Variants in PSG9 observed in about 807,000 individuals in gnomAD.
PSG9 encodes the protein pregnancy-specific beta-1-glycoprotein 9.
In PSG9, 49 loss-of-function variants were observed where a neutral mutation model predicts 41.9. The observed-to-expected ratio is 1.17, with a 90% CI of 0.93 to 1.48. The LOEUF (loss-of-function observed/expected upper bound fraction) is 1.48, where lower values mean the gene tolerates loss of function less well. Among genes scored for constraint, PSG9 ranks in the 40% most tolerant of loss-of-function variants. The pLI is 0.00. For missense variants in PSG9, 641 were observed against 520.3 expected, an observed-to-expected ratio of 1.23 and a Z score of -2.26; for synonymous variants, 263 against 196.8, an observed-to-expected ratio of 1.34 and a Z score of -2.82.
In PSG9 at chr19:43,268,232, TCTTCC is replaced by T. The variant is rs1251856718; in HGVS notation, c.65-88_65-84del. The T allele has an allele frequency of 6.8e-6, 10 of 1,464,848 alleles. No individual in the cohort carries two copies. The Admixed American group carries it at 9.0e-5, about 13-fold the overall frequency. 90.7% of individuals were successfully genotyped at this position (1,464,848 alleles called of 1,614,324 possible). A position where few individuals can be genotyped will look rare whatever the true frequency, so the allele number is the denominator to read the frequency against. On this transcript the variant is annotated intron_variant, in intron 1 of 5. Coordinates refer to ENST00000270077, the MANE Select transcript of PSG9 (RefSeq NM_002784.5). ...TGGGGCCCTGGGTCCTGAGAAGGTC[TCTTCC>T]ATCCTCAGCCTTGAAGATACACACA...
intron 3 of PSG9, 77 bp from the exon 4 acceptor site, chr19:43,259,212 G>C (rs1280638458): frequency 1.9e-6 from 3 of 1,542,874 alleles, no homozygotes; most frequent in Non-Finnish European, 2.6e-6. Context: ...ATCAGAGTTG[G>C]CATCTCCCAC....
At position 43,267,938 on chromosome 19, in the gene PSG9, C is replaced by G. The variant is rs892929617; in HGVS notation, c.276G>C (p.Gly92=). Reference sequence around the variant, plus strand: ...CTGTTTCTCTTCCACTGTATGCAGGCCCATATATAATTATTTTACCATCAA... The same window carrying G: ...CTGTTTCTCTTCCACTGTATGCAGGGCCATATATAATTATTTTACCATCAA... ...YIVDGKIIIY[G]PAYSGRETVY... Residue 92 remains glycine, a synonymous_variant, in exon 2 of 6, where the codon GGG becomes GGC. Coordinates refer to ENST00000270077, the MANE Select transcript of PSG9 (RefSeq NM_002784.5). 2.5e-6 allele frequency: 4 copies of G among 1,613,656 alleles called. No individual in the cohort carries two copies. The highest frequency in any genetic ancestry group is 3.4e-6 in the Non-Finnish European group (4 of 1,179,736).
At chr19:43,265,266 T>G (rs376016188) in intron 2 of PSG9, among the ~76,000 whole-genome samples, 17 of 152,296 alleles carry the variant, frequency 1.1e-4, no homozygotes, top group South Asian at 2.1e-4. Flanking sequence ...TAAAATGTTG[T>G]CACAGTTTCT....
intron 5 of PSG9, among the ~76,000 whole-genome samples, chr19:43,256,718 A>G (rs1968456346): frequency 6.8e-6 from 1 of 146,908 alleles, no homozygotes; most frequent in Non-Finnish European, 1.5e-5. Context: ...GTTTGCAAGT[A>G]GATGGAAAAA....
intron 5 of PSG9, among the ~76,000 whole-genome samples, chr19:43,256,212 T>G (rs1260216921): frequency 6.8e-6 from 1 of 146,372 alleles, no homozygotes; most frequent in Admixed American, 6.8e-5. Flanking sequence ...TAACCCACAA[T>G]AGATCAAAGA....
chr19:43,268,701 G>C (rs1214061629), intron 1 of PSG9, among the ~76,000 whole-genome samples: 1 of 152,220 alleles, frequency 6.6e-6, no homozygotes, highest in Middle Eastern at 3.4e-3. Context: ...GCAGACTCCT[G>C]TAGATGTGAG....
chr19:43,265,812 G>T (rs1162307729), intron 2 of PSG9, among the ~76,000 whole-genome samples: 1 of 152,130 alleles, frequency 6.6e-6, no homozygotes, highest in African/African-American at 2.4e-5. Context: ...AGGTCAGACT[G>T]ACAAAGGGAA....
At position 43,258,774 on chromosome 19, in the gene PSG9, C is replaced by A. The variant is rs200120455; in HGVS notation, c.988+83G>T. On this transcript the variant is annotated intron_variant, in intron 4 of 5. Transcript: ENST00000270077. ...GAAGTAAAGGTGTCTATACTTGGAC[C>A]GGAGAGAGACTGAGAGGCCTGGCAT... 4 of 1,543,242 alleles carry A rather than the reference C, an allele frequency of 2.6e-6. 1 individual carries two copies. Among genetic ancestry groups the A allele is most frequent in the South Asian group, 2.4e-5 (2 of 83,004 alleles).
At chr19:43,261,709 T>C in intron 3 of PSG9, 151 bp downstream of exon 3, 1 of 1,580,054 alleles carries the variant, frequency 6.3e-7, no homozygotes, top group South Asian at 1.1e-5. Context: ...AGGCCTACTC[T>C]GGTTTGCTTG....
At position 43,259,048 on chromosome 19, in the gene PSG9, C is replaced by A; in HGVS notation, c.797G>T (p.Ser266Ile). 6.3e-7 allele frequency: 1 copy of A among 1,590,604 alleles called. No individual in the cohort carries two copies. Reference sequence around the variant, plus strand: ...CCACCAAATGTAGGTGTAGTTCTCACTCTTAGGTTCACAGGTGAAGGCTAA... The same window carrying A: ...CCACCAAATGTAGGTGTAGTTCTCAATCTTAGGTTCACAGGTGAAGGCTAA... The part of the protein sequence containing the change: ...DVLAFTCEPK[S>I]ENYTYIWWLN... The change falls in exon 4 of 6, where the codon AGT (serine) becomes ATT (isoleucine). Residue 266 changes from serine to isoleucine, a missense_variant. By Grantham distance (142) the Ser-to-Ile change is moderately radical. Transcript: ENST00000270077.
At chr19:43,267,157 C>A (rs1457354299) in intron 2 of PSG9, among the ~76,000 whole-genome samples, 5 of 152,128 alleles carry the variant, frequency 3.3e-5, no homozygotes, top group African/African-American at 1.2e-4. Context: ...TGGCTGATGT[C>A]CTACAAAGCT....
At chr19:43,266,010 T>G (rs1330382208) in intron 2 of PSG9, among the ~76,000 whole-genome samples, 1 of 151,592 alleles carries the variant, frequency 6.6e-6, no homozygotes, top group Non-Finnish European at 1.5e-5. Context: ...AGGGAATGTC[T>G]GGGGAAGGCC....
At position 43,253,515 on chromosome 19, in the gene PSG9, A is replaced by C. The variant is rs1968341644; in HGVS notation, c.*94T>G. On this transcript the variant is annotated 3_prime_UTR_variant, in exon 6 of 6. Transcript: ENST00000270077. Reference sequence around the variant, plus strand: ...TTATGAAAACATTATCCTTTTGATTATTTAGTCCAATAACATTGAGTTTTT... The same window carrying C: ...TTATGAAAACATTATCCTTTTGATTCTTTAGTCCAATAACATTGAGTTTTT... 2.0e-6 allele frequency: 1 copy of C among 505,372 alleles called. No homozygotes were observed. Among genetic ancestry groups the C allele is most frequent in the Admixed American group, 3.2e-5 (1 of 31,056 alleles). 31.3% of individuals were successfully genotyped at this position (505,372 alleles called of 1,614,324 possible).
chr19:43,262,356 G>C (rs568288255), intron 2 of PSG9, among the ~76,000 whole-genome samples: 9 of 152,246 alleles, frequency 5.9e-5, no homozygotes, highest in East Asian at 3.9e-4. Context: ...ACTTTCTTAA[G>C]TGTGAATTGA....
In PSG9 at chr19:43,257,941, T is replaced by C. The variant is rs750597418; in HGVS notation, c.1243+261A>G. ...CCTTCTTGTCCCTCTCTGAAGCCTC[T>C]TCTACCACATAGGGCTCAGGGCTGA... is the stretch of plus-strand genomic sequence containing the variant. On this transcript the variant is annotated intron_variant, in intron 5 of 5. Transcript: ENST00000270077. 7.0e-6 allele frequency: 10 copies of C among 1,427,346 alleles called. 1 individual carries two copies. The African/African-American group carries it at 1.2e-4, about 17-fold the overall frequency. The allele number at this position is 1,427,346 out of a possible 1,614,324, so 88.4% of individuals were successfully genotyped here. A position where few individuals can be genotyped will look rare whatever the true frequency, so the allele number is the denominator to read the frequency against.
At position 43,268,270 on chromosome 19, in the gene PSG9, A is replaced by G. The variant is rs563566490; in HGVS notation, c.65-121T>C. 134 of 1,371,778 alleles carry G rather than the reference A, an allele frequency of 9.8e-5. 1 individual carries two copies. In the Middle Eastern group the frequency reaches 1.9e-3, roughly 19 times the overall value. The allele number at this position is 1,371,778 out of a possible 1,614,324, so 85.0% of individuals were successfully genotyped here. ...GCCTTGAAGATACACACACGCACAC[A>G]TACAAACAAACACACACAAAAAACG... On this transcript the variant is annotated intron_variant, in intron 1 of 5. Coordinates refer to ENST00000270077, the MANE Select transcript of PSG9 (RefSeq NM_002784.5).
At position 43,257,424 on chromosome 19, in the gene PSG9, G is replaced by A. The variant is rs1003679313; in HGVS notation, c.1243+778C>T. 31 of 977,086 alleles carry A rather than the reference G, an allele frequency of 3.2e-5. 1 individual carries two copies. In the Middle Eastern group the frequency reaches 3.2e-3, roughly 100 times the overall value. 60.5% of individuals were successfully genotyped at this position (977,086 alleles called of 1,614,324 possible). On this transcript the variant is annotated intron_variant, in intron 5 of 5. Transcript: ENST00000270077. ...CTTTCCTGCCATGAATAACCCCAAC[G>A]GTGAATCTCCCTATTCCTCCAGCTC...
chr19:43,267,483 G>T (rs1435052212), intron 2 of PSG9, among the ~76,000 whole-genome samples: 1 of 152,140 alleles, frequency 6.6e-6, no homozygotes, highest in Non-Finnish European at 1.5e-5. Context: ...GTCTTTCTCA[G>T]GGTCAAATTT....
At position 43,258,028 on chromosome 19, in the gene PSG9, A is replaced by G; in HGVS notation, c.1243+174T>C. On this transcript the variant is annotated intron_variant, in intron 5 of 5. Coordinates refer to ENST00000270077, the MANE Select transcript of PSG9 (RefSeq NM_002784.5). The stretch of plus-strand genomic sequence containing the variant: ...AGGTCAGCCATAAGAAAACAGAAAA[A>G]CAAGGAGAAGAGAGTCTGTAGAGAC... 1.3e-6 allele frequency: 2 copies of G among 1,551,722 alleles called. 1 individual carries two copies. Among genetic ancestry groups the G allele is most frequent in the East Asian group, 5.5e-5 (2 of 36,566 alleles).
Sources: gnomAD v4.1 joint callset for allele counts (sites outside exome capture counted in the v4.1 genomes callset) on GRCh38, gnomAD v4.1.1 for gene constraint, MANE v1.5 for transcripts, NCBI Gene and HGNC (gene_info 2026-07-23, HGNC 2026-07-21) for gene names.